Variants in PSD3 observed in about 807,000 individuals in gnomAD.
PSD3 encodes PH and SEC7 domain-containing protein 3.
PSD3 carries 49 observed loss-of-function variants against 105.5 expected under a neutral mutation model. The ratio of observed to expected loss-of-function variants is 0.46; its 90% CI spans 0.37 to 0.59. PSD3 has a LOEUF of 0.59. Among genes scored for constraint, PSD3 ranks in the 20% least tolerant of loss-of-function variants. The probability of loss-of-function intolerance (pLI) is 0.00; values close to 1 mark genes in which losing one functional copy is unlikely to be tolerated. For missense variants in PSD3, 1,561 were observed against 1,263.8 expected, an observed-to-expected ratio of 1.24 and a Z score of -3.57; for synonymous variants, 557 against 457.8, an observed-to-expected ratio of 1.22 and a Z score of -2.77.
intron 9 of PSD3, among the ~76,000 whole-genome samples, chr8:18,707,442 T>A (rs1380113050): frequency 1.3e-5 from 2 of 152,218 alleles, no homozygotes; most frequent in East Asian, 3.8e-4. Flanking sequence ...CTTATCCTAC[T>A]TATCTTGGCA....
intron 9 of PSD3, chr8:18,762,777 T>C (rs1241327487): frequency 2.3e-5 from 10 of 431,124 alleles, no homozygotes; most frequent in East Asian, 1.5e-4. Context: ...ATCAACTGAA[T>C]TGAAGGACTG....
chr8:18,942,307 G>A (rs1822596585), intron 1 of PSD3, among the ~76,000 whole-genome samples: 1 of 152,068 alleles, frequency 6.6e-6, no homozygotes, highest in Non-Finnish European at 1.5e-5. Context: ...ACTAACACTT[G>A]GTTCCAACAG....
intron 2 of PSD3, among the ~76,000 whole-genome samples, chr8:18,919,548 G>A (rs1281748364): frequency 1.3e-5 from 2 of 151,932 alleles, no homozygotes; most frequent in East Asian, 3.9e-4. Context: ...AGCATCCAAG[G>A]TGGAAACAGA....
chr8:18,921,068 A>G (rs1249647412), intron 2 of PSD3, among the ~76,000 whole-genome samples: 1 of 152,244 alleles, frequency 6.6e-6, no homozygotes, highest in African/African-American at 2.4e-5. Flanking sequence ...AGTTTCACAG[A>G]TATGAGAAAC....
intron 9 of PSD3, among the ~76,000 whole-genome samples, chr8:18,708,557 A>C (rs1260647059): frequency 1.3e-5 from 2 of 152,178 alleles, no homozygotes; most frequent in African/African-American, 2.4e-5. Context: ...GTGTTTTTCC[A>C]AAAGTTTTTA....
chr8:18,812,067 C>G (rs1351148972), intron 4 of PSD3, among the ~76,000 whole-genome samples: 1 of 152,118 alleles, frequency 6.6e-6, no homozygotes, highest in Non-Finnish European at 1.5e-5. Flanking sequence ...AATCTCGGAT[C>G]AGACTGAACA....
chr8:18,793,704 C>T (rs977576505), intron 8 of PSD3, among the ~76,000 whole-genome samples: 1 of 152,140 alleles, frequency 6.6e-6, no homozygotes, highest in Admixed American at 6.6e-5. Context: ...ATGGCATCAC[C>T]TTTCAAGGCA....
intron 2 of PSD3, among the ~76,000 whole-genome samples, chr8:18,919,347 TTC>T (rs562435751): frequency 3.1e-3 from 474 of 152,196 alleles, no homozygotes; most frequent in Non-Finnish European, 5.4e-3. Context: ...CCTTTCCTTT[TTC>T]TCTTTCTTTT....
At chr8:18,966,707 G>C (rs896859392) in intron 1 of PSD3, among the ~76,000 whole-genome samples, 4 of 152,140 alleles carry the variant, frequency 2.6e-5, no homozygotes, top group African/African-American at 9.7e-5. Flanking sequence ...TCACAAACCA[G>C]TGTGCCCCAG....
At chr8:18,814,647 T>C (rs1812049347) in intron 4 of PSD3, among the ~76,000 whole-genome samples, 1 of 152,192 alleles carries the variant, frequency 6.6e-6, no homozygotes, top group Admixed American at 6.5e-5. Flanking sequence ...ATATCCAGCT[T>C]TAGAAATAGA....
In PSD3 at chr8:18,699,581, T is replaced by C. The variant is rs563884686; in HGVS notation, c.2173-43896A>G. On this transcript the variant is annotated intron_variant, in intron 9 of 15. Transcript: ENST00000327040. ...ACCTTCTACTCACTTGACCGAATAC[T>C]CTATATGAAGGATAGTGCCCTTAGA... is the stretch of plus-strand genomic sequence containing the variant. Among the ~76,000 whole-genome samples the C allele has an allele frequency of 1.8e-3, 272 of 152,286 alleles. 4 individuals are homozygous for C. The South Asian group carries it at 0.02, about 11-fold the overall frequency.
At chr8:19,043,071 T>G (rs1304234818) in intron 1 of PSD3, among the ~76,000 whole-genome samples, 1 of 152,144 alleles carries the variant, frequency 6.6e-6, no homozygotes, top group Non-Finnish European at 1.5e-5. Context: ...AAGAAGAGGC[T>G]TATAAAAAAT....
chr8:18,560,879 A>C (rs1163216058), intron 14 of PSD3, among the ~76,000 whole-genome samples: 1 of 152,212 alleles, frequency 6.6e-6, no homozygotes, highest in African/African-American at 2.4e-5. Context: ...CCTTTTGGAA[A>C]GTGATTGAGT....
rs2410579 is a variant in PSD3 at position 18,879,088 on chromosome 8, G to A, written c.131-6355C>T. The stretch of plus-strand genomic sequence containing the variant: ...CACACACACACACACACACACACAC[G>A]CACACACAACTGAACACTGGCCCCA... On this transcript the variant is annotated intron_variant, in intron 2 of 15. Coordinates refer to ENST00000327040, the MANE Select transcript of PSD3 (RefSeq NM_015310.4). Among the ~76,000 whole-genome samples the A allele has an allele frequency of 4.3e-3, 402 of 93,506 alleles. 2 individuals carry two copies. Among genetic ancestry groups the A allele is most frequent in the African/African-American group, 0.012 (281 of 23,326 alleles). The allele number at this position is 93,506 out of a possible 152,430, so 61.3% of individuals were successfully genotyped here. A position where few individuals can be genotyped will look rare whatever the true frequency, so the allele number is the denominator to read the frequency against.
chr8:18,762,870 A>T (rs1302204131), intron 9 of PSD3: 2 of 1,201,070 alleles, frequency 1.7e-6, no homozygotes, highest in Non-Finnish European at 2.2e-6. Flanking sequence ...AAACAACTAC[A>T]ACAACAAAAA....
intron 1 of PSD3, among the ~76,000 whole-genome samples, chr8:18,986,655 C>G (rs1168266544): frequency 6.6e-6 from 1 of 151,742 alleles, no homozygotes; most frequent in African/African-American, 2.4e-5. Context: ...AGATATATTA[C>G]TATGGCTCTT....
At chr8:18,828,074 T>A (rs536104341) in intron 4 of PSD3, among the ~76,000 whole-genome samples, 2 of 144,958 alleles carry the variant, frequency 1.4e-5, no homozygotes, top group South Asian at 4.3e-4. Flanking sequence ...TATATTTTTT[T>A]TTTTTTACAA....
chr8:18,877,077 G>A (rs975687011), intron 2 of PSD3, among the ~76,000 whole-genome samples: 1 of 152,116 alleles, frequency 6.6e-6, no homozygotes, highest in Non-Finnish European at 1.5e-5. Flanking sequence ...TTTATTAGAT[G>A]TACACTTTGC....
rs576286481 is a variant in PSD3, at chr8:19,021,864, C to A, written c.324+62342G>T. Among the ~76,000 whole-genome samples, 26 of 152,238 alleles carry A rather than the reference C, an allele frequency of 1.7e-4. No individual in the cohort carries two copies. The South Asian group carries it at 5.2e-3, about 30-fold the overall frequency. ...CTCCTCTGCTTCAACTGGAAGAGTG[C>A]AGTTGTGAAAGGGAGGGTGGATGAT... On this transcript the variant is annotated intron_variant, in intron 1 of 1. Coordinates refer to the PSD3 transcript ENST00000521475.
Sources: gnomAD v4.1 joint callset for allele counts (sites outside exome capture counted in the v4.1 genomes callset) on GRCh38, gnomAD v4.1.1 for gene constraint, MANE v1.5 for transcripts, NCBI Gene and HGNC (gene_info 2026-07-23, HGNC 2026-07-21) for gene names.